Variants in UBE3A observed in about 807,000 individuals in gnomAD.
UBE3A encodes the protein ubiquitin-protein ligase E3A.
Under a neutral mutation model 83.4 loss-of-function variants are expected in UBE3A, and 6 were observed. That is an observed-to-expected ratio of 0.07 (90% CI 0.04 to 0.14). The LOEUF (loss-of-function observed/expected upper bound fraction) is 0.14. UBE3A is among the 10% of genes least tolerant of loss of function. The pLI is 1.00. For missense variants in UBE3A, 456 were observed against 1,036.1 expected, an observed-to-expected ratio of 0.44 and a Z score of 7.69; for synonymous variants, 337 against 355.4, an observed-to-expected ratio of 0.95 and a Z score of 0.58.
intron 6 of UBE3A, among the ~76,000 whole-genome samples, chr15:25,367,224 CAT>C (rs1566941195): frequency 0.07 from 5,660 of 81,362 alleles, 434 homozygotes; most frequent in African/African-American, 0.33. Context: ...TAAATATTTA[CAT>C]ATTTGTAAAT....
At chr15:25,427,746 C>G (rs116783865) in intron 1 of UBE3A, among the ~76,000 whole-genome samples, 1,398 of 132,966 alleles carry the variant, frequency 0.011, 22 homozygotes, top group African/African-American at 0.038. Context: ...GAGCTATGAT[C>G]ATGGCACTGC....
chr15:25,425,835 A>C (rs1477695253), intron 1 of UBE3A, among the ~76,000 whole-genome samples: 1 of 152,194 alleles, frequency 6.6e-6, no homozygotes, highest in Non-Finnish European at 1.5e-5. Flanking sequence ...TAAAAATGTT[A>C]GAATTCCTAG....
intron 4 of UBE3A, among the ~76,000 whole-genome samples, chr15:25,396,899 G>A (rs2085707355): frequency 6.6e-6 from 1 of 152,014 alleles, no homozygotes; most frequent in African/African-American, 2.4e-5. Flanking sequence ...ATGCATTCAA[G>A]GCGTTACTTA....
chr15:25,383,620 C>A (rs2082581614), intron 4 of UBE3A, among the ~76,000 whole-genome samples: 1 of 152,142 alleles, frequency 6.6e-6, no homozygotes, highest in Admixed American at 6.5e-5. Flanking sequence ...GCCTGGGTGA[C>A]AAGAGCAAGA....
Position 25,436,212 on chromosome 15 carries a change from C to T in UBE3A, c.-165+2277G>A, listed in dbSNP as rs556858011. Reference sequence around the variant, plus strand: ...TCCTGAACCAACATAAAAAGAGCACCTAAGACTTCATCCAGTATTTTACCG... The same window carrying T: ...TCCTGAACCAACATAAAAAGAGCACTTAAGACTTCATCCAGTATTTTACCG... On this transcript the variant is annotated intron_variant, in intron 1 of 12. Transcript: ENST00000648336. Among the ~76,000 whole-genome samples, 17 of 152,268 alleles carry T rather than the reference C, an allele frequency of 1.1e-4. No homozygotes were observed. The East Asian group carries it at 2.3e-3, about 21-fold the overall frequency.
chr15:25,432,076 G>A (rs886822907), intron 1 of UBE3A, among the ~76,000 whole-genome samples: 2 of 152,162 alleles, frequency 1.3e-5, no homozygotes, highest in Non-Finnish European at 2.9e-5. Flanking sequence ...GTATTTGTTG[G>A]AAGTACGAAA....
At chr15:25,422,771 T>C (rs1890196912) in intron 1 of UBE3A, among the ~76,000 whole-genome samples, 1 of 150,598 alleles carries the variant, frequency 6.6e-6, no homozygotes. Context: ...GGCCAGAAGT[T>C]TGAGACCAGT....
intron 11 of UBE3A, among the ~76,000 whole-genome samples, chr15:25,352,092 G>A (rs2076591818): frequency 1.3e-5 from 2 of 152,108 alleles, no homozygotes; most frequent in Non-Finnish European, 2.9e-5. Context: ...CTACTCAGGA[G>A]GCTGAGGCAG....
At chr15:25,411,094 G>C (rs1025382875) in intron 2 of UBE3A, among the ~76,000 whole-genome samples, 2 of 152,134 alleles carry the variant, frequency 1.3e-5, no homozygotes, top group Admixed American at 6.5e-5. Context: ...ATGAGATCCG[G>C]TGCTCAAAAG....
intron 4 of UBE3A, among the ~76,000 whole-genome samples, chr15:25,383,771 GATCACAA>G (rs1267463155): frequency 6.6e-6 from 1 of 152,118 alleles, no homozygotes; most frequent in Non-Finnish European, 1.5e-5. Flanking sequence ...TTCCCTCTAA[GATCACAA>G]ATGGAACAAG....
chr15:25,414,832 T>A (rs1039394753), intron 1 of UBE3A, among the ~76,000 whole-genome samples: 1 of 152,174 alleles, frequency 6.6e-6, no homozygotes. Context: ...TCACGTCAGA[T>A]GAGATTCTAC....
chr15:25,398,773 A>ATT (rs1260800675), intron 4 of UBE3A, among the ~76,000 whole-genome samples: 7 of 17,494 alleles, frequency 4.0e-4, no homozygotes, highest in Non-Finnish European at 5.9e-4. Context: ...TCTTTTATTT[A>ATT]TATATATATA....
At chr15:25,427,626 A>C (rs1891734369) in intron 1 of UBE3A, among the ~76,000 whole-genome samples, 2 of 147,248 alleles carry the variant, frequency 1.4e-5, no homozygotes, top group African/African-American at 2.5e-5. Flanking sequence ...AAAAAAAAAA[A>C]AAAAACCCAC....
chr15:25,363,007 TGTG>T, intron 6 of UBE3A, among the ~76,000 whole-genome samples: 1 of 152,296 alleles, frequency 6.6e-6, no homozygotes, highest in African/African-American at 2.4e-5. Flanking sequence ...TTTTAAAGGA[TGTG>T]GTGGTGAATT....
At chr15:25,368,298 C>T (rs1455938834) in intron 6 of UBE3A, among the ~76,000 whole-genome samples, 1 of 152,058 alleles carries the variant, frequency 6.6e-6, no homozygotes, top group Non-Finnish European at 1.5e-5. Flanking sequence ...TGAATACTTA[C>T]TTCAAAAAAT....
At chr15:25,358,838 CAA>C (rs1169405206) in intron 7 of UBE3A, among the ~76,000 whole-genome samples, 1 of 151,862 alleles carries the variant, frequency 6.6e-6, no homozygotes, top group African/African-American at 2.4e-5. Flanking sequence ...TTTTACAGGC[CAA>C]GTTACAACAT....
intron 5 of UBE3A, among the ~76,000 whole-genome samples, chr15:25,373,009 G>C (rs1284916127): frequency 6.6e-6 from 1 of 152,174 alleles, no homozygotes; most frequent in Non-Finnish European, 1.5e-5. Flanking sequence ...GATCTGATCT[G>C]TGGCCCAGCT....
At chr15:25,378,097 A>G (rs1034851219) in intron 4 of UBE3A, among the ~76,000 whole-genome samples, 1 of 152,240 alleles carries the variant, frequency 6.6e-6, no homozygotes, top group Non-Finnish European at 1.5e-5. Flanking sequence ...ATAAAACTTC[A>G]TATACATGAT....
intron 4 of UBE3A, among the ~76,000 whole-genome samples, chr15:25,400,257 C>G (rs1210866269): frequency 6.6e-6 from 1 of 152,210 alleles, no homozygotes; most frequent in Non-Finnish European, 1.5e-5. Context: ...CCCTCGGTAT[C>G]TGCAGGATAT....
Sources: gnomAD v4.1 joint callset for allele counts (sites outside exome capture counted in the v4.1 genomes callset) on GRCh38, gnomAD v4.1.1 for gene constraint, MANE v1.5 for transcripts, NCBI Gene and HGNC (gene_info 2026-07-23, HGNC 2026-07-21) for gene names.